CNTNAP5: variants seen among roughly 807,000 people sequenced by gnomAD.
CNTNAP5 encodes the protein contactin-associated protein-like 5.
In CNTNAP5, 72 loss-of-function variants were observed where a neutral mutation model predicts 150.2. That is an observed-to-expected ratio of 0.48 (90% confidence interval 0.40 to 0.58). The LOEUF is 0.58. CNTNAP5 is among the 20% of genes least tolerant of loss of function. The pLI is 0.00. For synonymous variants in CNTNAP5, 672 were observed against 619.8 expected, an observed-to-expected ratio of 1.08 and a Z score of -1.25; for missense variants, 1,636 against 1,626.2, an observed-to-expected ratio of 1.01 and a Z score of -0.10.
At chr2:124,428,622 GA>G (rs1692296894) in intron 4 of CNTNAP5, among the ~76,000 whole-genome samples, 1 of 151,626 alleles carries the variant, frequency 6.6e-6, no homozygotes, top group African/African-American at 2.4e-5. Flanking sequence ...TTAAGGAAAA[GA>G]AAACTTCTTA....
At chr2:124,243,825 GA>G (rs977167305) in intron 3 of CNTNAP5, among the ~76,000 whole-genome samples, 1 of 150,598 alleles carries the variant, frequency 6.6e-6, no homozygotes, top group Non-Finnish European at 1.5e-5. Context: ...AGTTGAAAAA[GA>G]AAAAAAATTG....
chr2:124,847,681 T>C (rs917333339), intron 19 of CNTNAP5, among the ~76,000 whole-genome samples: 1 of 152,148 alleles, frequency 6.6e-6, no homozygotes, highest in African/African-American at 2.4e-5. Context: ...GGAGCAAAAG[T>C]TTACGACGTG....
At chr2:124,372,256 C>A (rs1390779607) in intron 3 of CNTNAP5, among the ~76,000 whole-genome samples, 2 of 152,004 alleles carry the variant, frequency 1.3e-5, no homozygotes, top group Non-Finnish European at 2.9e-5. Context: ...CTTAGTCCTT[C>A]AGCCTCATAC....
intron 3 of CNTNAP5, among the ~76,000 whole-genome samples, chr2:124,347,926 G>T (rs1183368769): frequency 6.6e-6 from 1 of 151,558 alleles, no homozygotes; most frequent in African/African-American, 2.4e-5. Context: ...CCAGGTTCAC[G>T]CCATTCTTCT....
At chr2:124,128,940 C>G (rs1683781731) in intron 1 of CNTNAP5, among the ~76,000 whole-genome samples, 1 of 151,946 alleles carries the variant, frequency 6.6e-6, no homozygotes, top group Non-Finnish European at 1.5e-5. Flanking sequence ...AGGGATAGCA[C>G]TAGGAGATAA....
intron 3 of CNTNAP5, among the ~76,000 whole-genome samples, chr2:124,331,579 A>T (rs1314820231): frequency 3.4e-5 from 5 of 147,790 alleles, no homozygotes; most frequent in Admixed American, 6.8e-5. Flanking sequence ...GTATTTTGGA[A>T]TTTTTTTTTT....
At chr2:124,879,870 A>C (rs2104736407) in intron 21 of CNTNAP5, among the ~76,000 whole-genome samples, 1 of 152,242 alleles carries the variant, frequency 6.6e-6, no homozygotes, top group Admixed American at 6.5e-5. Context: ...GTAATGAAGT[A>C]AAAAGGATCC....
chr2:124,409,744 G>T (rs561215899), intron 3 of CNTNAP5, among the ~76,000 whole-genome samples: 69 of 150,704 alleles, frequency 4.6e-4, no homozygotes, highest in South Asian at 8.5e-4. Context: ...ACATGGAAAG[G>T]AACAACCGGT....
chr2:124,229,977 T>C (rs926720051), intron 2 of CNTNAP5, among the ~76,000 whole-genome samples: 1 of 152,134 alleles, frequency 6.6e-6, no homozygotes, highest in African/African-American at 2.4e-5. Context: ...CCTCACTCAA[T>C]GTATTTTTTG....
intron 13 of CNTNAP5, among the ~76,000 whole-genome samples, chr2:124,716,512 A>C (rs1409255841): frequency 6.6e-6 from 1 of 151,638 alleles, no homozygotes; most frequent in Non-Finnish European, 1.5e-5. Flanking sequence ...TTATATTAAA[A>C]ATTCTAAATA....
At chr2:124,904,055 A>AAT (rs1678475958) in intron 22 of CNTNAP5, among the ~76,000 whole-genome samples, 2 of 148,434 alleles carry the variant, frequency 1.3e-5, no homozygotes, top group Admixed American at 1.3e-4. Context: ...CTCTGTTTCA[A>AAT]AAAAAAAAAC....
At chr2:124,843,720 C>G (rs960689856) in intron 19 of CNTNAP5, among the ~76,000 whole-genome samples, 6 of 152,020 alleles carry the variant, frequency 3.9e-5, no homozygotes, top group Non-Finnish European at 5.9e-5. Context: ...GAGGTGATAT[C>G]TCATTGTGGT....
At chr2:124,833,627 C>G (rs1202484727) in intron 19 of CNTNAP5, among the ~76,000 whole-genome samples, 1 of 152,168 alleles carries the variant, frequency 6.6e-6, no homozygotes, top group Non-Finnish European at 1.5e-5. Context: ...AGTGTTTCAA[C>G]CCACTGCTTA....
At chr2:124,387,694 G>A (rs144621950) in intron 3 of CNTNAP5, among the ~76,000 whole-genome samples, 6,773 of 152,194 alleles carry the variant, frequency 0.045, 199 homozygotes, top group Non-Finnish European at 0.069. Flanking sequence ...AAATCACAAT[G>A]GTGGAATGTC....
At chr2:124,510,477 GTATATATATATATATATATA>G (rs70996072) in intron 8 of CNTNAP5, among the ~76,000 whole-genome samples, 8 of 102,596 alleles carry the variant, frequency 7.8e-5, no homozygotes, top group East Asian at 2.7e-4. Flanking sequence ...TTATGTATGT[GTATATATATATATATATATA>G]TATATATATA....
chr2:124,607,518 A>C (rs115841834), intron 11 of CNTNAP5, among the ~76,000 whole-genome samples: 6 of 152,202 alleles, frequency 3.9e-5, no homozygotes, highest in African/African-American at 1.4e-4. Context: ...CAGTAAGTCC[A>C]GCCCACTTGG....
At chr2:124,057,579 C>T (rs868090461) in intron 1 of CNTNAP5, among the ~76,000 whole-genome samples, 27 of 151,330 alleles carry the variant, frequency 1.8e-4, no homozygotes, top group East Asian at 2.0e-4. Context: ...CATGAGCCAC[C>T]GCTCCTGGCC....
chr2:124,707,822 C>T (rs753494594), intron 13 of CNTNAP5, among the ~76,000 whole-genome samples: 40 of 152,134 alleles, frequency 2.6e-4, no homozygotes. Flanking sequence ...CCTCAAGTAT[C>T]GTAAATTTCC....
chr2:124,303,637 GA>G (rs1688616466), intron 3 of CNTNAP5, among the ~76,000 whole-genome samples: 1 of 152,160 alleles, frequency 6.6e-6, no homozygotes, highest in African/African-American at 2.4e-5. Context: ...TTATCTAAAA[GA>G]GTAAAAAAGG....
Sources: gnomAD v4.1 joint callset for allele counts (sites outside exome capture counted in the v4.1 genomes callset) on GRCh38, gnomAD v4.1.1 for gene constraint, MANE v1.5 for transcripts, NCBI Gene and HGNC (gene_info 2026-07-23, HGNC 2026-07-21) for gene names.